Variants in TMEM184B observed in about 807,000 individuals in gnomAD.
TMEM184B encodes the protein transmembrane protein 184B.
In TMEM184B, 17 loss-of-function variants were observed where a neutral mutation model predicts 41.8. The ratio of observed to expected loss-of-function variants is 0.41; its 90% CI spans 0.28 to 0.61. TMEM184B has a LOEUF of 0.61. Among genes scored for constraint, TMEM184B ranks in the 20% least tolerant of loss-of-function variants. The pLI is 0.34. For synonymous variants in TMEM184B, 240 were observed against 229.5 expected (o/e 1.05, Z -0.41); for missense variants, 393 against 557.8 (o/e 0.70, Z 2.98).
intron 1 of TMEM184B, among the ~76,000 whole-genome samples, chr22:38,269,109 A>G (rs1166813695): frequency 6.6e-6 from 1 of 152,258 alleles, no homozygotes; most frequent in Non-Finnish European, 1.5e-5. Context: ...GCCCAAGGCC[A>G]CAGGGCTAAT....
chr22:38,259,829 G>A (rs1432523672), intron 1 of TMEM184B, among the ~76,000 whole-genome samples: 2 of 152,166 alleles, frequency 1.3e-5, no homozygotes, highest in African/African-American at 2.4e-5. Flanking sequence ...AGGCTGGAGT[G>A]CAGTGGTGCG....
intron 8 of TMEM184B, 54 bp from the exon 9 acceptor site, chr22:38,221,764 AG>A: frequency 1.3e-6 from 2 of 1,594,412 alleles, no homozygotes; most frequent in Non-Finnish European, 1.7e-6. Flanking sequence ...GGTGAGAGGG[AG>A]GTGGCTCAGC....
Position 38,272,948 on chromosome 22 carries a change from G to C in TMEM184B, c.-123C>G. The C allele has an allele frequency of 2.3e-6, 1 of 428,748 alleles. No individual in the cohort carries two copies. The highest frequency in any genetic ancestry group is 3.1e-6 in the Non-Finnish European group (1 of 321,804). The allele number at this position is 428,748 out of a possible 1,614,324, so 26.6% of individuals were successfully genotyped here. A position where few individuals can be genotyped will look rare whatever the true frequency, so the allele number is the denominator to read the frequency against. On this transcript the variant is annotated 5_prime_UTR_variant, in exon 1 of 9. Coordinates refer to ENST00000361906, the MANE Select transcript of TMEM184B (RefSeq NM_012264.5). ...CGCGGCAGCCGGACTCTGCGGGCGG[G>C]GCGGGCGGCGCCGCAGCCCCGGAGT...
chr22:38,225,449 G>A lies in TMEM184B; in HGVS notation c.762C>T (p.Ser254=), dbSNP rs16998818. The A allele has an allele frequency of 4.6e-3, 7,169 of 1,573,712 alleles. 232 individuals carry two copies. The African/African-American group carries it at 0.078, about 17-fold the overall frequency. ...CTTGCCAGAAGGAAAGAAAGATGAC[G>A]GACTTGACCATGAAGAACTTGAGGA... ...SPVLKFFMVK[S]VIFLSFWQGM... The change falls in exon 7 of 9, where the codon TCC becomes TCT. Residue 254 remains serine (S), a synonymous_variant. Coordinates refer to ENST00000361906, the MANE Select transcript of TMEM184B (RefSeq NM_012264.5). The surrounding 1 kb of genome is among the most constrained non-coding windows in gnomAD (Gnocchi z 4.4).
intron 8 of TMEM184B, chr22:38,223,609 T>C (rs1432184508): frequency 1.3e-5 from 2 of 152,282 alleles, no homozygotes; most frequent in African/African-American, 4.8e-5. Context: ...GTGTGGGGCC[T>C]GCAGGTAGGC....
intron 1 of TMEM184B, among the ~76,000 whole-genome samples, chr22:38,269,896 A>G (rs1281831400): frequency 6.6e-6 from 1 of 152,166 alleles, no homozygotes; most frequent in Admixed American, 6.5e-5. Flanking sequence ...AGGAAAGCCA[A>G]CGGAACAAAG....
chr22:38,266,267 G>A (rs887069613), intron 1 of TMEM184B, among the ~76,000 whole-genome samples: 4 of 152,216 alleles, frequency 2.6e-5, no homozygotes, highest in African/African-American at 4.8e-5. Flanking sequence ...GTGCTTCCAC[G>A]TTTCTCCTTC....
Position 38,248,021 on chromosome 22 carries a change from T to C in TMEM184B, c.-58-2A>G. The C allele has an allele frequency of 6.7e-7, 1 of 1,493,190 alleles. No homozygotes were observed. Among genetic ancestry groups the C allele is most frequent in the Non-Finnish European group, 8.9e-7 (1 of 1,124,518 alleles). The allele number at this position is 1,493,190 out of a possible 1,614,324, so 92.5% of individuals were successfully genotyped here. A position where few individuals can be genotyped will look rare whatever the true frequency, so the allele number is the denominator to read the frequency against. Reference sequence around the variant, plus strand: ...CTTTGCAGAAAGTGACAAGCTAGCCTAGAGAGAAGAAATTGCAATGTGAGT... The same window carrying C: ...CTTTGCAGAAAGTGACAAGCTAGCCCAGAGAGAAGAAATTGCAATGTGAGT... On this transcript the variant is annotated splice_acceptor_variant, in intron 1 of 8. Transcript: ENST00000361906. LOFTEE classifies it low-confidence loss of function (5UTR_SPLICE).
Position 38,261,852 on chromosome 22 carries a change from C to T in TMEM184B, c.-59+11032G>A, listed in dbSNP as rs531410949. Among the ~76,000 whole-genome samples the T allele has an allele frequency of 1.1e-3, 170 of 152,350 alleles. 4 individuals are homozygous for T. The South Asian group carries it at 0.035, about 31-fold the overall frequency. On this transcript the variant is annotated intron_variant, in intron 1 of 8. Transcript: ENST00000361906. ...CTGTCCCTGTAATCAAGAAGCCTGG[C>T]TCCAGCCAGGACACCCTAGATTTCT...
At position 38,219,857 on chromosome 22, in the gene TMEM184B, G is replaced by T; in HGVS notation, c.*1612C>A. The T allele has an allele frequency of 1.0e-6, 1 of 985,470 alleles. No homozygotes were observed. Among genetic ancestry groups the T allele is most frequent in the African/African-American group, 1.7e-5 (1 of 57,354 alleles). The allele number at this position is 985,470 out of a possible 1,614,324, so 61.0% of individuals were successfully genotyped here. ...GGGCCCAACTGCTCCGCCCCCCCAA[G>T]ATGGAGGGGGAGAGCTGGCCTCTGG... On this transcript the variant is annotated 3_prime_UTR_variant, in exon 9 of 9. Coordinates refer to ENST00000361906, the MANE Select transcript of TMEM184B (RefSeq NM_012264.5).
intron 1 of TMEM184B, among the ~76,000 whole-genome samples, chr22:38,251,998 T>C (rs1180905348): frequency 2.0e-5 from 3 of 150,980 alleles, no homozygotes; most frequent in Admixed American, 2.0e-4. Flanking sequence ...TAGGCCCGAG[T>C]GATCCTCCCA....
At chr22:38,236,219 C>T (rs1250493292) in intron 3 of TMEM184B, among the ~76,000 whole-genome samples, 2 of 152,164 alleles carry the variant, frequency 1.3e-5, no homozygotes, top group Non-Finnish European at 2.9e-5. Context: ...AGTAGGCTGT[C>T]CGCTCCCCAC....
At chr22:38,223,005 A>G (rs1022732361) in intron 8 of TMEM184B, 1 of 152,512 alleles carries the variant, frequency 6.6e-6, no homozygotes, top group Non-Finnish European at 1.5e-5. Flanking sequence ...GCCTGGGGCC[A>G]CATCCACACC....
intron 1 of TMEM184B, chr22:38,272,604 T>C (rs370579993): frequency 9.1e-6 from 9 of 985,182 alleles, no homozygotes; most frequent in South Asian, 4.7e-5. Context: ...CCCGGACAGG[T>C]CCGATTACAC....
chr22:38,224,527 CTCTG>C (rs1228690405), intron 8 of TMEM184B, among the ~76,000 whole-genome samples: 1 of 152,354 alleles, frequency 6.6e-6, no homozygotes, highest in African/African-American at 2.4e-5. Context: ...TCATTACAGT[CTCTG>C]TCTGTATCAG....
In TMEM184B at chr22:38,221,198, C is replaced by G; in HGVS notation, c.*271G>C. The G allele has an allele frequency of 7.6e-7, 1 of 1,310,720 alleles. No individual in the cohort carries two copies. The highest frequency in any genetic ancestry group is 9.7e-7 in the Non-Finnish European group (1 of 1,029,778). The allele number at this position is 1,310,720 out of a possible 1,614,324, so 81.2% of individuals were successfully genotyped here. On this transcript the variant is annotated 3_prime_UTR_variant, in exon 9 of 9. Transcript: ENST00000361906. Reference sequence around the variant, plus strand: ...GTCCCAGCATGCCCCCAGCACAGGACGGGCAGCAGGGGCATAAGCCTTGCT... The same window carrying G: ...GTCCCAGCATGCCCCCAGCACAGGAGGGGCAGCAGGGGCATAAGCCTTGCT...
In TMEM184B at chr22:38,246,032, G is replaced by T; in HGVS notation, c.261C>A (p.Ile87=). 1 of 1,613,628 alleles carries T rather than the reference G, an allele frequency of 6.2e-7. No homozygotes were observed. Among genetic ancestry groups the T allele is most frequent in the Non-Finnish European group, 8.5e-7 (1 of 1,180,012 alleles). Residue 87 remains isoleucine, a synonymous_variant, in exon 3 of 9, where the codon ATC becomes ATA. Transcript: ENST00000361906. ...EQRYIVRILF[I]VPIYAFDSWL... ...AGGAGTCAAAGGCGTAGATGGGCAC[G>T]ATGAAGAGGATGCGCACGATGTAGC...
At position 38,220,190 on chromosome 22, in the gene TMEM184B, C is replaced by T. The variant is rs946858783; in HGVS notation, c.*1279G>A. On this transcript the variant is annotated 3_prime_UTR_variant, in exon 9 of 9. Coordinates refer to ENST00000361906, the MANE Select transcript of TMEM184B (RefSeq NM_012264.5). ...TATAAGCCCAGCCTGCTGGGGGTTC[C>T]GGAGGCCCCAGGTCTAGAGGTGTGG... 6 of 985,462 alleles carry T rather than the reference C, an allele frequency of 6.1e-6. No individual in the cohort carries two copies. Among genetic ancestry groups the T allele is most frequent in the South Asian group, 4.7e-5 (1 of 21,280 alleles). 61.0% of individuals were successfully genotyped at this position (985,462 alleles called of 1,614,324 possible). A position where few individuals can be genotyped will look rare whatever the true frequency, so the allele number is the denominator to read the frequency against.
chr22:38,236,488 G>T (rs1026370687), intron 3 of TMEM184B, among the ~76,000 whole-genome samples: 157 of 148,812 alleles, frequency 1.1e-3, no homozygotes, highest in African/African-American at 3.8e-3. Flanking sequence ...TCCTTTTTTT[G>T]TTTTTTTTTT....
Sources: gnomAD v4.1 joint callset for allele counts (sites outside exome capture counted in the v4.1 genomes callset) on GRCh38, gnomAD v4.1.1 for gene constraint, Gnocchi (gnomAD v3.1) non-coding constraint, MANE v1.5 for transcripts, NCBI Gene and HGNC (gene_info 2026-07-23, HGNC 2026-07-21) for gene names.